The following NAT9 variants were observed in gnomAD, a reference collection of about 807,000 sequenced individuals.
NAT9 encodes the protein N-acetyltransferase 9, also known as alpha/beta-tubulin-N-acetyltransferase 9.
In NAT9, 18 loss-of-function variants were observed where a neutral mutation model predicts 24.0. The observed-to-expected ratio is 0.75, with a 90% CI of 0.52 to 1.11. The LOEUF (loss-of-function observed/expected upper bound fraction) is 1.11. Among genes scored for constraint, NAT9 ranks in the 50% most tolerant of loss-of-function variants. The pLI, the probability that NAT9 is intolerant of heterozygous loss-of-function variation, is 0.00. For missense variants in NAT9, 254 were observed against 258.6 expected, an observed-to-expected ratio of 0.98 and a Z score of 0.12; for synonymous variants, 104 against 102.3, an observed-to-expected ratio of 1.02 and a Z score of -0.10.
chr17:74,771,008 C>T lies in NAT9; in HGVS notation c.*716G>A, dbSNP rs968566363. Reference sequence around the variant, plus strand: ...GCCTGACGCTCTCTTCAGGAGGGCACCCCCAAGGGGCCTCTGCTTCCTCAG... The same window carrying T: ...GCCTGACGCTCTCTTCAGGAGGGCATCCCCAAGGGGCCTCTGCTTCCTCAG... On this transcript the variant is annotated 3_prime_UTR_variant, in exon 7 of 7. Transcript: ENST00000357814. The T allele has an allele frequency of 6.5e-6, 1 of 152,816 alleles. No homozygotes were observed. Among genetic ancestry groups the T allele is most frequent in the Non-Finnish European group, 1.5e-5 (1 of 68,540 alleles). The allele number at this position is 152,816 out of a possible 1,614,324, so 9.5% of individuals were successfully genotyped here.
At position 74,771,506 on chromosome 17, in the gene NAT9, C is replaced by T. The variant is rs1356524807; in HGVS notation, c.*218G>A. ...CCTAGAGTCTGGGTCTGGGTTTGGCCGGGAGGGGAGAAGGGAACTGGCCCT... is the reference window on the plus strand; with the variant it reads ...CCTAGAGTCTGGGTCTGGGTTTGGCTGGGAGGGGAGAAGGGAACTGGCCCT... On this transcript the variant is annotated 3_prime_UTR_variant, in exon 7 of 7. Coordinates refer to ENST00000357814, the MANE Select transcript of NAT9 (RefSeq NM_015654.5). 1.4e-5 allele frequency: 10 copies of T among 693,976 alleles called. No homozygotes were observed. The highest frequency in any genetic ancestry group is 7.2e-5 in the African/African-American group (4 of 55,614). 43.0% of individuals were successfully genotyped at this position (693,976 alleles called of 1,614,324 possible). A position where few individuals can be genotyped will look rare whatever the true frequency, so the allele number is the denominator to read the frequency against.
Position 74,772,050 on chromosome 17 carries a change from CACTCCTCGCA to C in NAT9, c.395-6_398del. The stretch of plus-strand genomic sequence containing the variant: ...CAAACTTGGTCAGACCTAGCGTGGT[CACTCCTCGCA>C]GAGGAGATGAGACAGGGGCAAGTAA... On this transcript the variant is annotated splice_acceptor_variant and splice_polypyrimidine_tract_variant and coding_sequence_variant and intron_variant, in exon 6 of 7. Coordinates refer to ENST00000357814, the MANE Select transcript of NAT9 (RefSeq NM_015654.5). LOFTEE classifies it high-confidence loss of function. The C allele has an allele frequency of 6.2e-7, 1 of 1,614,212 alleles. No individual in the cohort carries two copies. The highest frequency in any genetic ancestry group is 8.5e-7 in the Non-Finnish European group (1 of 1,180,048).
At position 74,775,605 on chromosome 17, in the gene NAT9, T is replaced by A. The variant is rs2035939630; in HGVS notation, c.77+17A>T. The stretch of plus-strand genomic sequence containing the variant: ...TCTGGGTGCTGATACGCACCCCATG[T>A]CAAGCGGGAAAGATACCTGGGCACA... On this transcript the variant is annotated intron_variant, in intron 2 of 6. Transcript: ENST00000357814. The A allele has an allele frequency of 6.2e-7, 1 of 1,611,828 alleles. No individual in the cohort carries two copies. Among genetic ancestry groups the A allele is most frequent in the Non-Finnish European group, 8.5e-7 (1 of 1,178,008 alleles).
chr17:74,772,748 T>A lies in NAT9; in HGVS notation c.334+148A>T, dbSNP rs924516341. ...GTACCACCAGGCTGAGGGGGCTAGG[T>A]GGGCAGGCTGCCCAGCCAGGCCCTG... is the stretch of plus-strand genomic sequence containing the variant. On this transcript the variant is annotated intron_variant, in intron 4 of 6. Transcript: ENST00000357814. 1.0e-5 allele frequency: 13 copies of A among 1,270,930 alleles called. No individual in the cohort carries two copies. In the African/African-American group the frequency reaches 1.8e-4, roughly 18 times the overall value. 78.7% of individuals were successfully genotyped at this position (1,270,930 alleles called of 1,614,324 possible).
chr17:74,772,843 C>G (rs1157987231), intron 4 of NAT9, 53 bp downstream of exon 4: 9 of 1,609,030 alleles, frequency 5.6e-6, no homozygotes, highest in South Asian at 2.2e-5. Context: ...CAGGCTCAGT[C>G]AGCAGATCTG....
In NAT9 at chr17:74,770,591, C is replaced by T. The variant is rs912468914; in HGVS notation, c.*1133G>A. On this transcript the variant is annotated 3_prime_UTR_variant, in exon 7 of 7. Coordinates refer to ENST00000357814, the MANE Select transcript of NAT9 (RefSeq NM_015654.5). ...TTTATACTGAGGCATGTTTTCGGTT[C>T]CAGTTGTTCACATGCAGTCTGCTGT... is the stretch of plus-strand genomic sequence containing the variant. 8 of 152,212 alleles carry T rather than the reference C, an allele frequency of 5.3e-5. No homozygotes were observed. Among genetic ancestry groups the T allele is most frequent in the Non-Finnish European group, 7.3e-5 (5 of 68,038 alleles). The allele number at this position is 152,212 out of a possible 1,614,324, so 9.4% of individuals were successfully genotyped here. A position where few individuals can be genotyped will look rare whatever the true frequency, so the allele number is the denominator to read the frequency against.
chr17:74,772,193 G>A lies in NAT9; in HGVS notation c.394+25C>T, dbSNP rs760900528. On this transcript the variant is annotated intron_variant, in intron 5 of 6. Transcript: ENST00000357814. ...TTCACCTGGGGCCTGCCCACTTCCC[G>A]CATTGTCTGCTCACACTTTCTTACC... 68 of 1,614,032 alleles carry A rather than the reference G, an allele frequency of 4.2e-5. No individual in the cohort carries two copies. The highest frequency in any genetic ancestry group is 1.9e-4 in the African/African-American group (14 of 74,912).
At chr17:74,773,822 G>T in intron 2 of NAT9, 134 bp from the exon 3 acceptor site, 1 of 693,710 alleles carries the variant, frequency 1.4e-6, no homozygotes, top group South Asian at 1.7e-5. Flanking sequence ...TTGCTCCTAA[G>T]GCAGGGGCCA....
intron 2 of NAT9, chr17:74,775,400 G>C: frequency 2.3e-6 from 1 of 438,430 alleles, no homozygotes; most frequent in South Asian, 4.3e-5. Context: ...CGTTACCCAA[G>C]CTGGTCTCGA....
intron 1 of NAT9, 120 bp downstream of exon 1, chr17:74,776,147 C>A: frequency 6.4e-6 from 1 of 155,122 alleles, no homozygotes. Flanking sequence ...CCTCCCCGCC[C>A]CCGACCACTT....
At position 74,772,225 on chromosome 17, in the gene NAT9, C is replaced by A. The variant is rs747994926; in HGVS notation, c.387G>T (p.Leu129=). Residue 129 remains leucine, a synonymous_variant, in exon 5 of 7, where the codon CTG becomes CTT. Coordinates refer to ENST00000357814, the MANE Select transcript of NAT9 (RefSeq NM_015654.5). ...CTGCTCACACTTTCTTACCGTAAGACAGCATCGCGAGAACGGCCTCAGTGC... is the reference window on the plus strand; with the variant it reads ...CTGCTCACACTTTCTTACCGTAAGAAAGCATCGCGAGAACGGCCTCAGTGC... ...GLGTEAVLAM[L]SYGVTTLGLT... The A allele has an allele frequency of 6.2e-7, 1 of 1,614,136 alleles. No homozygotes were observed. The highest frequency in any genetic ancestry group is 1.3e-5 in the African/African-American group (1 of 74,956).
Position 74,771,538 on chromosome 17 carries a change from GGAGTCT to G in NAT9, c.*180_*185del, listed in dbSNP as rs1237787028. On this transcript the variant is annotated 3_prime_UTR_variant, in exon 7 of 7. Transcript: ENST00000357814. The stretch of plus-strand genomic sequence containing the variant: ...GGAGAAGGGAACTGGCCCTGGCCCT[GGAGTCT>G]GCTCAGCCACACCACTAGCTGGAGG... 1.7e-5 allele frequency: 16 copies of G among 926,464 alleles called. No homozygotes were observed. The highest frequency in any genetic ancestry group is 2.5e-5 in the Non-Finnish European group (16 of 633,456). The allele number at this position is 926,464 out of a possible 1,614,324, so 57.4% of individuals were successfully genotyped here. A position where few individuals can be genotyped will look rare whatever the true frequency, so the allele number is the denominator to read the frequency against.
At chr17:74,773,711 G>T in intron 2 of NAT9, 23 bp from the exon 3 acceptor site, 1 of 1,597,024 alleles carries the variant, frequency 6.3e-7, no homozygotes, top group South Asian at 1.1e-5. Context: ...GGTGGCTTTA[G>T]ACATGGAGGA....
Position 74,773,296 on chromosome 17 carries a change from G to A in NAT9, c.191-257C>T, listed in dbSNP as rs545544391. On this transcript the variant is annotated intron_variant, in intron 3 of 6. Transcript: ENST00000357814. ...GGCAGTCACCACACTAGGCTGTGGT[G>A]AGGGACATGAGGGGCAGGGCCTCAA... 4,235 of 591,310 alleles carry A rather than the reference G, an allele frequency of 7.2e-3. 57 individuals are homozygous for A. The highest frequency in any genetic ancestry group is 0.023 in the Middle Eastern group (51 of 2,216). The allele number at this position is 591,310 out of a possible 1,614,324, so 36.6% of individuals were successfully genotyped here.
Position 74,771,569 on chromosome 17 carries a change from G to A in NAT9, c.*155C>T. On this transcript the variant is annotated 3_prime_UTR_variant, in exon 7 of 7. Transcript: ENST00000357814. ...TGCTCAGCCACACCACTAGCTGGAG[G>A]GAGGCCACAGCAAGCCCCGCCAGAG... 1 of 1,196,130 alleles carries A rather than the reference G, an allele frequency of 8.4e-7. No individual in the cohort carries two copies. The highest frequency in any genetic ancestry group is 2.6e-5 in the East Asian group (1 of 38,946). The allele number at this position is 1,196,130 out of a possible 1,614,324, so 74.1% of individuals were successfully genotyped here.
At chr17:74,775,791 G>GCTAA (rs1386771256) in intron 1 of NAT9, 84 bp from the exon 2 acceptor site, 1 of 1,104,784 alleles carries the variant, frequency 9.1e-7, no homozygotes, top group East Asian at 2.4e-5. Context: ...TCCTGCTGGG[G>GCTAA]CTAAGTTGAC....
chr17:74,772,462 C>T, intron 4 of NAT9, 185 bp from the exon 5 acceptor site: 3 of 1,434,234 alleles, frequency 2.1e-6, no homozygotes, highest in South Asian at 2.9e-5. Context: ...AGCAACCTGA[C>T]TTCAAAGCTG....
Position 74,772,047 on chromosome 17 carries a change from G to A in NAT9, c.402C>T (p.Thr134=), listed in dbSNP as rs1357151129. ...AVLAMLSYGV[T]TLGLTKFEAK... is the part of the protein sequence containing the mutation. ...CCTCAAACTTGGTCAGACCTAGCGT[G>A]GTCACTCCTCGCAGAGGAGATGAGA... The change falls in exon 6 of 7, where the codon ACC becomes ACT. Residue 134 remains threonine (T), a synonymous_variant. Transcript: ENST00000357814. 1.2e-6 allele frequency: 2 copies of A among 1,614,058 alleles called. No homozygotes were observed. The highest frequency in any genetic ancestry group is 1.7e-6 in the Non-Finnish European group (2 of 1,180,040).
In NAT9 at chr17:74,775,646, G is replaced by A; in HGVS notation, c.53C>T (p.Pro18Leu). 1 of 1,613,958 alleles carries A rather than the reference G, an allele frequency of 6.2e-7. No individual in the cohort carries two copies. The highest frequency in any genetic ancestry group is 8.5e-7 in the Non-Finnish European group (1 of 1,179,896). Residue 18 changes from proline to leucine, a missense_variant, in exon 2 of 7, where the codon CCC becomes CTC. Coordinates refer to ENST00000357814, the MANE Select transcript of NAT9 (RefSeq NM_015654.5). ...CCTGGGCACATGCTCCGAGGTGTAG[G>A]GTACAAGGACCACCTTCTTCCCCAG... ...LLLGKKVVLV[P>L]YTSEHVPSRY...
Sources: allele counts gnomAD v4.1 joint callset, GRCh38; gene constraint gnomAD v4.1.1; transcripts MANE v1.5; gene names NCBI Gene and HGNC (gene_info 2026-07-23, HGNC 2026-07-21).